ST6GAL1: variants seen among roughly 807,000 people sequenced by gnomAD.
ST6GAL1 encodes ST6 beta-galactoside alpha-2,6-sialyltransferase 1.
Under a neutral mutation model 38.0 loss-of-function variants are expected in ST6GAL1, and 20 were observed. The observed-to-expected ratio is 0.53, with a 90% CI of 0.37 to 0.77. ST6GAL1 has a LOEUF of 0.77. Ranked by LOEUF, ST6GAL1 falls within the 30% of genes least tolerant of loss-of-function variation. The pLI is 0.00. For missense variants in ST6GAL1, 432 were observed against 496.4 expected (o/e 0.87, Z 1.23); for synonymous variants, 196 against 188.2 (o/e 1.04, Z -0.34).
intron 1 of ST6GAL1, among the ~76,000 whole-genome samples, chr3:186,932,850 G>A (rs1361490210): frequency 2.6e-5 from 4 of 152,188 alleles, no homozygotes; most frequent in African/African-American, 9.7e-5. Flanking sequence ...CTGAGAAGCC[G>A]GATTTCCCCA....
intron 1 of ST6GAL1, among the ~76,000 whole-genome samples, chr3:186,942,585 C>T (rs1025142714): frequency 1.3e-5 from 2 of 152,046 alleles, no homozygotes; most frequent in Non-Finnish European, 2.9e-5. Context: ...GGGCACCCAC[C>T]GTGTTTAAGG....
intron 2 of ST6GAL1, among the ~76,000 whole-genome samples, chr3:187,023,724 G>A (rs1245928776): frequency 1.3e-5 from 2 of 152,020 alleles, no homozygotes; most frequent in African/African-American, 2.4e-5. Context: ...ATCACACACC[G>A]GGACTGTTGT....
intron 1 of ST6GAL1, among the ~76,000 whole-genome samples, chr3:186,941,890 T>A (rs1714190303): frequency 6.6e-6 from 1 of 151,922 alleles, no homozygotes; most frequent in Non-Finnish European, 1.5e-5. Flanking sequence ...TGGGTGGCTG[T>A]AGTCCCAGCT....
intron 2 of ST6GAL1, among the ~76,000 whole-genome samples, chr3:187,005,828 A>G (rs572567408): frequency 8.5e-5 from 13 of 152,286 alleles, no homozygotes; most frequent in African/African-American, 3.1e-4. Context: ...GTGCTACTAG[A>G]ATATGGTCAG....
chr3:187,073,395 C>T (rs1719450578), intron 6 of ST6GAL1: 1 of 159,078 alleles, frequency 6.3e-6, no homozygotes, highest in Non-Finnish European at 1.4e-5. Flanking sequence ...TGGTTGTTCC[C>T]ATTTTACAGA....
intron 1 of ST6GAL1, among the ~76,000 whole-genome samples, chr3:186,941,739 A>G (rs879334656): frequency 1.3e-5 from 2 of 152,152 alleles, no homozygotes; most frequent in Admixed American, 1.3e-4. Context: ...TAGGCTGGGC[A>G]CGGTGGCTCA....
At chr3:187,035,436 A>T (rs188898740) in intron 2 of ST6GAL1, among the ~76,000 whole-genome samples, 1 of 152,196 alleles carries the variant, frequency 6.6e-6, no homozygotes, top group Non-Finnish European at 1.5e-5. Flanking sequence ...AAAAGAGTAC[A>T]AATAACTAAA....
chr3:186,944,219 AG>A (rs1714278185), intron 1 of ST6GAL1, among the ~76,000 whole-genome samples: 1 of 152,228 alleles, frequency 6.6e-6, no homozygotes, highest in Admixed American at 6.5e-5. Flanking sequence ...TTGTGAGCCC[AG>A]GTAGTGCCTG....
At chr3:187,042,514 G>A in intron 3 of ST6GAL1, 140 bp from the exon 4 acceptor site, 5 of 771,852 alleles carry the variant, frequency 6.5e-6, no homozygotes, top group Non-Finnish European at 1.0e-5. Flanking sequence ...TTAACAGGCT[G>A]CAGAGGTGGC....
intron 1 of ST6GAL1, among the ~76,000 whole-genome samples, chr3:186,946,248 G>A (rs1714364875): frequency 6.6e-6 from 1 of 151,902 alleles, no homozygotes; most frequent in South Asian, 2.1e-4. Context: ...AGGAAGCGGA[G>A]GTTGCAGTGA....
chr3:187,065,269 G>T (rs1719063230), intron 5 of ST6GAL1, among the ~76,000 whole-genome samples: 2 of 152,058 alleles, frequency 1.3e-5, no homozygotes, highest in South Asian at 4.2e-4. Flanking sequence ...CAAAGTGCTG[G>T]GATTACAGGC....
At chr3:187,030,757 G>T (rs1182997274) in intron 2 of ST6GAL1, among the ~76,000 whole-genome samples, 2 of 152,156 alleles carry the variant, frequency 1.3e-5, no homozygotes, top group Non-Finnish European at 2.9e-5. Flanking sequence ...TATTTTTACA[G>T]GGAAGTTGAT....
intron 5 of ST6GAL1, among the ~76,000 whole-genome samples, chr3:187,056,680 C>G (rs142504095): frequency 0.025 from 3,744 of 152,304 alleles, 169 homozygotes; most frequent in African/African-American, 0.084. Flanking sequence ...TGCTGTTAGT[C>G]TGATGGGCTT....
chr3:186,955,911 T>G (rs557301512), intron 1 of ST6GAL1, among the ~76,000 whole-genome samples: 1 of 152,334 alleles, frequency 6.6e-6, no homozygotes, highest in East Asian at 1.9e-4. Context: ...GTAGCAATTG[T>G]GGATGGGAGT....
chr3:186,989,889 C>G (rs546307011), intron 2 of ST6GAL1, among the ~76,000 whole-genome samples: 70 of 152,310 alleles, frequency 4.6e-4, no homozygotes, highest in South Asian at 1.2e-3. Flanking sequence ...CCAGCAAGGT[C>G]CCGGTCAACA....
At chr3:186,999,631 G>T (rs1409762626) in intron 2 of ST6GAL1, among the ~76,000 whole-genome samples, 1 of 151,822 alleles carries the variant, frequency 6.6e-6, no homozygotes, top group Non-Finnish European at 1.5e-5. Context: ...GGATGGTCTC[G>T]ATCTCCTGAC....
intron 3 of ST6GAL1, among the ~76,000 whole-genome samples, chr3:187,040,692 G>T (rs561960527): frequency 3.3e-5 from 5 of 152,256 alleles, no homozygotes; most frequent in African/African-American, 1.2e-4. Context: ...TTGTCATATG[G>T]TCATGTGATT....
rs1413022618 is a variant in ST6GAL1 at position 187,077,121 on chromosome 3, A to C, written c.*1318A>C. The C allele has an allele frequency of 2.0e-5, 8 of 397,774 alleles. No individual in the cohort carries two copies. Among genetic ancestry groups the C allele is most frequent in the Non-Finnish European group, 3.5e-5 (8 of 225,900 alleles). The allele number at this position is 397,774 out of a possible 1,614,324, so 24.6% of individuals were successfully genotyped here. On this transcript the variant is annotated 3_prime_UTR_variant, in exon 8 of 8. Coordinates refer to ENST00000169298, the MANE Select transcript of ST6GAL1 (RefSeq NM_173216.2). ...TCACTCTCAGAGGTCAGAACCTTGG[A>C]GATCAGAACTGATTCTCACCAGGTG...
intron 2 of ST6GAL1, among the ~76,000 whole-genome samples, chr3:187,012,579 C>T (rs578184806): frequency 1.3e-5 from 2 of 152,230 alleles, no homozygotes; most frequent in South Asian, 2.1e-4. Flanking sequence ...ATTTGAACAC[C>T]AAGCAATTAG....
Sources: allele counts gnomAD v4.1 joint callset (sites outside exome capture counted in the v4.1 genomes callset), GRCh38; gene constraint gnomAD v4.1.1; transcripts MANE v1.5; gene names NCBI Gene and HGNC (gene_info 2026-07-23, HGNC 2026-07-21).